LIPC: variants seen among roughly 807,000 people sequenced by gnomAD.
LIPC encodes the protein lipase C, hepatic type, also known as hepatic triacylglycerol lipase.
In LIPC, 44 loss-of-function variants were observed where a neutral mutation model predicts 50.7. That is an observed-to-expected ratio of 0.87 (90% CI 0.68 to 1.11). The LOEUF (loss-of-function observed/expected upper bound fraction) is 1.11, where lower values mean the gene tolerates loss of function less well. LIPC is among the 50% of genes most tolerant of loss of function. LIPC has a pLI of 0.00. For missense variants in LIPC, 697 were observed against 648.2 expected (o/e 1.08, Z -0.82); for synonymous variants, 271 against 256.4 (o/e 1.06, Z -0.54).
At chr15:58,561,219 A>G (rs966384757) in intron 7 of LIPC, among the ~76,000 whole-genome samples, 3 of 152,226 alleles carry the variant, frequency 2.0e-5, no homozygotes, top group Non-Finnish European at 4.4e-5. Flanking sequence ...GTCAGGCTAC[A>G]GCTTGGTTTT....
chr15:58,465,234 C>G (rs1419792270), intron 1 of LIPC, among the ~76,000 whole-genome samples: 1 of 152,094 alleles, frequency 6.6e-6, no homozygotes, highest in African/African-American at 2.4e-5. Context: ...AACTCATTTC[C>G]CCCACTTGAC....
chr15:58,449,443 A>G (rs576271714), intron 1 of LIPC, among the ~76,000 whole-genome samples: 3 of 152,256 alleles, frequency 2.0e-5, no homozygotes, highest in African/African-American at 7.2e-5. Context: ...CATGCTGGCC[A>G]TTATTTGAGT....
chr15:58,493,620 T>A (rs1343323948), intron 1 of LIPC, among the ~76,000 whole-genome samples: 3 of 145,496 alleles, frequency 2.1e-5, no homozygotes, highest in Non-Finnish European at 4.6e-5. Context: ...ATTTATTACG[T>A]ATAAATAAAA....
At chr15:58,488,894 G>A (rs182257742) in intron 1 of LIPC, among the ~76,000 whole-genome samples, 1 of 152,290 alleles carries the variant, frequency 6.6e-6, no homozygotes, top group Admixed American at 6.5e-5. Flanking sequence ...GGATTTGGGA[G>A]TTCTGGTTTA....
intron 1 of LIPC, among the ~76,000 whole-genome samples, chr15:58,531,530 T>G (rs1263150134): frequency 7.0e-6 from 1 of 143,754 alleles, no homozygotes; most frequent in African/African-American, 2.5e-5. Flanking sequence ...AAAAAATTTT[T>G]GGCAAGAAAA....
chr15:58,491,251 ATAGT>A (rs1325411526), intron 1 of LIPC, among the ~76,000 whole-genome samples: 5 of 152,274 alleles, frequency 3.3e-5, no homozygotes, highest in Non-Finnish European at 7.4e-5. Context: ...CAATAGGGAA[ATAGT>A]TAGTCCAGCC....
At chr15:58,559,826 C>T (rs1185918191) in intron 6 of LIPC, among the ~76,000 whole-genome samples, 3 of 152,080 alleles carry the variant, frequency 2.0e-5, no homozygotes, top group Non-Finnish European at 2.9e-5. Flanking sequence ...AGAAAGAAGT[C>T]CAAGCAGTAA....
chr15:58,560,824 TA>T (rs776949553), intron 6 of LIPC, 39 bp from the exon 7 acceptor site: 16 of 845,488 alleles, frequency 1.9e-5, no homozygotes, highest in African/African-American at 1.8e-4. Context: ...AATCACTGCT[TA>T]AATTATCTCT....
intron 1 of LIPC, among the ~76,000 whole-genome samples, chr15:58,482,644 T>C (rs114712051): frequency 6.6e-6 from 1 of 152,198 alleles, no homozygotes; most frequent in Non-Finnish European, 1.5e-5. Context: ...CAATCCTCAC[T>C]GAGCAGTGTT....
chr15:58,540,747 G>A (rs988137223), intron 2 of LIPC, among the ~76,000 whole-genome samples: 1 of 152,006 alleles, frequency 6.6e-6, no homozygotes, highest in Non-Finnish European at 1.5e-5. Flanking sequence ...CTTCTGCCTG[G>A]GATGCCCTAG....
chr15:58,522,517 C>T (rs1009145322), intron 1 of LIPC: 6 of 152,850 alleles, frequency 3.9e-5, no homozygotes, highest in African/African-American at 7.2e-5. Flanking sequence ...TCACCTCCAG[C>T]CTCAGGCTGG....
intron 1 of LIPC, among the ~76,000 whole-genome samples, chr15:58,502,957 A>T (rs533865470): frequency 0.024 from 54 of 2,242 alleles, no homozygotes; most frequent in Admixed American, 0.042. Context: ...AACATTGTTT[A>T]AAAAAAAAAA....
chr15:58,546,276 G>C (rs141119356), intron 5 of LIPC, among the ~76,000 whole-genome samples: 3 of 152,306 alleles, frequency 2.0e-5, no homozygotes, highest in Non-Finnish European at 4.4e-5. Context: ...CCTCTCCCGG[G>C]GTACCAGCTC....
At chr15:58,458,858 A>G (rs1894230467) in intron 1 of LIPC, among the ~76,000 whole-genome samples, 2 of 152,264 alleles carry the variant, frequency 1.3e-5, no homozygotes, top group Admixed American at 6.5e-5. Flanking sequence ...TTTTGCCACC[A>G]TCTCTTTGTT....
At chr15:58,444,370 G>A (rs935500741) in intron 1 of LIPC, among the ~76,000 whole-genome samples, 1 of 152,158 alleles carries the variant, frequency 6.6e-6, no homozygotes, top group African/African-American at 2.4e-5. Context: ...CAGAGATTTC[G>A]CCACACACCA....
chr15:58,437,068 T>C lies in LIPC; in HGVS notation c.88+4948T>C, dbSNP rs77778435. Reference sequence around the variant, plus strand: ...GTCCAACTTCGAACAGGCATGGTTTTGAATACCTACTACTAGAAGTCACAG... The same window carrying C: ...GTCCAACTTCGAACAGGCATGGTTTCGAATACCTACTACTAGAAGTCACAG... On this transcript the variant is annotated intron_variant, in intron 1 of 8. Coordinates refer to ENST00000299022, the MANE Select transcript of LIPC (RefSeq NM_000236.3). Among the ~76,000 whole-genome samples the C allele has an allele frequency of 9.9e-3, 1,511 of 152,322 alleles. 22 individuals carry two copies. The highest frequency in any genetic ancestry group is 0.035 in the African/African-American group (1,464 of 41,566).
chr15:58,477,238 C>G (rs1250802230), intron 1 of LIPC, among the ~76,000 whole-genome samples: 3 of 152,220 alleles, frequency 2.0e-5, no homozygotes, highest in Non-Finnish European at 4.4e-5. Context: ...TTGATTTTGT[C>G]TGCCAAGATA....
At chr15:58,518,797 T>TA (rs1204749431) in intron 1 of LIPC, among the ~76,000 whole-genome samples, 10 of 152,148 alleles carry the variant, frequency 6.6e-5, no homozygotes, top group Non-Finnish European at 1.2e-4. Flanking sequence ...TCTGAACAGT[T>TA]ACATCTGCTG....
At chr15:58,482,869 C>G (rs1400378645) in intron 1 of LIPC, among the ~76,000 whole-genome samples, 2 of 152,210 alleles carry the variant, frequency 1.3e-5, no homozygotes, top group African/African-American at 4.8e-5. Flanking sequence ...AGGCCTGACT[C>G]TGCCATTAAC....
Sources: allele counts gnomAD v4.1 joint callset (sites outside exome capture counted in the v4.1 genomes callset), GRCh38; gene constraint gnomAD v4.1.1; transcripts MANE v1.5; gene names NCBI Gene and HGNC (gene_info 2026-07-23, HGNC 2026-07-21).